DPYSL3: variants seen among roughly 807,000 people sequenced by gnomAD.
DPYSL3 encodes the protein dihydropyrimidinase like 3.
Under a neutral mutation model 66.1 loss-of-function variants are expected in DPYSL3, and 16 were observed. That is an observed-to-expected ratio of 0.24 (90% CI 0.16 to 0.37). DPYSL3 has a LOEUF of 0.37. DPYSL3 is among the 10% of genes least tolerant of loss of function. The pLI is 1.00. For synonymous variants in DPYSL3, 338 were observed against 345.1 expected (o/e 0.98, Z 0.23); for missense variants, 738 against 916.2 (o/e 0.81, Z 2.51).
Position 147,509,370 on chromosome 5 carries a change from C to T in DPYSL3, c.381+108G>A. The T allele has an allele frequency of 7.3e-7, 1 of 1,377,548 alleles. No homozygotes were observed. The highest frequency in any genetic ancestry group is 9.6e-7 in the Non-Finnish European group (1 of 1,046,304). The allele number at this position is 1,377,548 out of a possible 1,614,324, so 85.3% of individuals were successfully genotyped here. A position where few individuals can be genotyped will look rare whatever the true frequency, so the allele number is the denominator to read the frequency against. ...GGATGACCCTTTCCTCCTCCTTGTC[C>T]CCCAGCCCCGTGCAAAGTGAGCTGG... is the stretch of plus-strand genomic sequence containing the variant. On this transcript the variant is annotated intron_variant, in intron 1 of 13. Coordinates refer to ENST00000343218, the MANE Select transcript of DPYSL3 (RefSeq NM_001197294.2). This position sits in a 1 kb window ranked among gnomAD's most constrained non-coding sequence, Gnocchi z 5.3.
At chr5:147,454,530 T>C (rs938123301) in intron 1 of DPYSL3, among the ~76,000 whole-genome samples, 24 of 152,236 alleles carry the variant, frequency 1.6e-4, no homozygotes, top group Non-Finnish European at 7.3e-5. Context: ...GAAACTCCAC[T>C]GCCTGACTGA....
At chr5:147,480,136 G>C (rs555977391) in intron 1 of DPYSL3, among the ~76,000 whole-genome samples, 1 of 152,290 alleles carries the variant, frequency 6.6e-6, no homozygotes, top group Admixed American at 6.5e-5. Flanking sequence ...AGCACGTAGA[G>C]AATAAAAGGC....
chr5:147,413,470 A>G (rs987865099), intron 5 of DPYSL3, 126 bp downstream of exon 5: 4 of 728,380 alleles, frequency 5.5e-6, no homozygotes, highest in Non-Finnish European at 7.1e-6. Context: ...AAAGGCTTCA[A>G]GAAGCATTCT....
chr5:147,409,810 G>A (rs886394963), intron 6 of DPYSL3, among the ~76,000 whole-genome samples: 1 of 152,148 alleles, frequency 6.6e-6, no homozygotes, highest in Non-Finnish European at 1.5e-5. Context: ...TAGGAAAAAT[G>A]GTGAATGCAA....
intron 1 of DPYSL3, among the ~76,000 whole-genome samples, chr5:147,428,206 G>A (rs1211336552): frequency 6.6e-6 from 1 of 152,152 alleles, no homozygotes; most frequent in African/African-American, 2.4e-5. Flanking sequence ...CATAGGCCTG[G>A]TGTAGGTTTC....
At chr5:147,405,777 A>G (rs1758311597) in intron 7 of DPYSL3, 47 bp from the exon 8 acceptor site, 1 of 1,579,950 alleles carries the variant, frequency 6.3e-7, no homozygotes, top group East Asian at 2.2e-5. Flanking sequence ...GAACCTCTCA[A>G]ACTGGTGGCT....
At chr5:147,397,995 G>T (rs1397758715) in intron 11 of DPYSL3, 150 bp from the exon 12 acceptor site, 1 of 733,622 alleles carries the variant, frequency 1.4e-6, no homozygotes, top group East Asian at 2.8e-5. Context: ...CCAGTGGGTA[G>T]AAGGCACCGG....
chr5:147,441,115 C>G (rs748931909), intron 1 of DPYSL3, among the ~76,000 whole-genome samples: 14 of 151,922 alleles, frequency 9.2e-5, no homozygotes, highest in Non-Finnish European at 1.9e-4. Context: ...CTTTTCTGCT[C>G]TCTGAGAACT....
intron 1 of DPYSL3, among the ~76,000 whole-genome samples, chr5:147,441,167 C>T (rs971338461): frequency 4.6e-5 from 7 of 151,532 alleles, no homozygotes; most frequent in Admixed American, 4.0e-4. Flanking sequence ...CTTTGTTCTT[C>T]ACTTTCTCCC....
In DPYSL3 at chr5:147,394,080, G is replaced by T. The variant is rs200584034; in HGVS notation, c.2010C>A (p.Ile670=). 1.4e-5 allele frequency: 22 copies of T among 1,614,036 alleles called. No homozygotes were observed. The highest frequency in any genetic ancestry group is 1.9e-5 in the Non-Finnish European group (22 of 1,180,040). ...TAGAACGGCCGCCTGGGGGCGCCACGATGCGCTTGCTGGCTGAGCGAACCC... is the reference window on the plus strand; with the variant it reads ...TAGAACGGCCGCCTGGGGGCGCCACTATGCGCTTGCTGGCTGAGCGAACCC... ...DEGVRSASKR[I]VAPPGGRSNI... is the part of the protein sequence containing the mutation. The change falls in exon 14 of 14, where the codon ATC becomes ATA. Residue 670 remains isoleucine (I), a synonymous_variant. Transcript: ENST00000343218.
At chr5:147,497,517 T>C (rs568499959) in intron 1 of DPYSL3, among the ~76,000 whole-genome samples, 2 of 152,266 alleles carry the variant, frequency 1.3e-5, no homozygotes, top group Admixed American at 6.5e-5. Context: ...TACAGAAAGT[T>C]ACACACCATA....
chr5:147,418,128 T>C (rs1752007407), intron 3 of DPYSL3, among the ~76,000 whole-genome samples: 2 of 152,236 alleles, frequency 1.3e-5, no homozygotes, highest in African/African-American at 4.8e-5. Flanking sequence ...TCCATAACTT[T>C]TTAAGTCTAC....
chr5:147,469,114 C>A (rs543802223), intron 1 of DPYSL3, among the ~76,000 whole-genome samples: 8 of 152,336 alleles, frequency 5.3e-5, no homozygotes, highest in African/African-American at 1.9e-4. Context: ...CACCCTCAAG[C>A]ACATTGTAGC....
At chr5:147,507,527 A>T (rs1269169217) in intron 1 of DPYSL3, among the ~76,000 whole-genome samples, 5 of 152,330 alleles carry the variant, frequency 3.3e-5, no homozygotes, top group African/African-American at 1.2e-4. Context: ...TGTGCCAAGC[A>T]TTCTAGCCAC....
intron 2 of DPYSL3, among the ~76,000 whole-genome samples, chr5:147,422,913 G>A (rs1276168420): frequency 1.3e-5 from 2 of 152,218 alleles, no homozygotes; most frequent in East Asian, 3.9e-4. Context: ...ATGACAGGCT[G>A]ATGGGTGCAG....
intron 4 of DPYSL3, among the ~76,000 whole-genome samples, chr5:147,414,315 C>T (rs1200518244): frequency 1.3e-5 from 2 of 152,114 alleles, no homozygotes; most frequent in African/African-American, 4.8e-5. Flanking sequence ...CAGGTTTTAC[C>T]TTGTGCTTAA....
chr5:147,486,717 T>C (rs1753334768), intron 1 of DPYSL3, among the ~76,000 whole-genome samples: 2 of 152,120 alleles, frequency 1.3e-5, no homozygotes, highest in South Asian at 4.1e-4. Context: ...GTTGGGTCCG[T>C]AAGTGGATGA....
rs1286764808 is a variant in DPYSL3 at position 147,509,739 on chromosome 5, G to T, written c.120C>A (p.Asn40Lys). The T allele has an allele frequency of 1.1e-5, 17 of 1,535,880 alleles. No homozygotes were observed. The highest frequency in any genetic ancestry group is 1.4e-5 in the Non-Finnish European group (16 of 1,146,818). ...TCTTGCTCTCGAAGGCGCCCTCCAC[G>T]TTGCAGAACATGCCGCCGTATTTCT... ...PRQKYGGMFC[N>K]VEGAFESKTL... Residue 40 changes from asparagine to lysine, a missense_variant, in exon 1 of 14, where the codon AAC becomes AAA. Coordinates refer to ENST00000343218, the MANE Select transcript of DPYSL3 (RefSeq NM_001197294.2). This position sits in a 1 kb window ranked among gnomAD's most constrained non-coding sequence, Gnocchi z 5.3.
At chr5:147,422,305 C>T (rs1210084477) in intron 2 of DPYSL3, among the ~76,000 whole-genome samples, 3 of 152,114 alleles carry the variant, frequency 2.0e-5, no homozygotes, top group African/African-American at 4.8e-5. Flanking sequence ...AATGAGATAC[C>T]ATCTCACGCC....
Sources: allele counts gnomAD v4.1 joint callset (sites outside exome capture counted in the v4.1 genomes callset), GRCh38; gene constraint gnomAD v4.1.1; non-coding constraint Gnocchi (gnomAD v3.1); transcripts MANE v1.5; gene names NCBI Gene and HGNC (gene_info 2026-07-23, HGNC 2026-07-21).